Variants in WDFY3 observed in about 807,000 individuals in gnomAD.
The protein encoded by WDFY3 is WD repeat and FYVE domain containing 3.
In WDFY3, 66 loss-of-function variants were observed where a neutral mutation model predicts 409.6. That is an observed-to-expected ratio of 0.16 (90% CI 0.13 to 0.20). The LOEUF is 0.20. Among genes scored for constraint, WDFY3 ranks in the 10% least tolerant of loss-of-function variants. The pLI is 1.00. For synonymous variants in WDFY3, 1,521 were observed against 1,537.1 expected, an observed-to-expected ratio of 0.99 and a Z score of 0.25; for missense variants, 3,031 against 4,298.1, an observed-to-expected ratio of 0.71 and a Z score of 8.24.
intron 48 of WDFY3, among the ~76,000 whole-genome samples, 190 bp from the exon 49 acceptor site, chr4:84,717,206 G>A (rs1221090880): frequency 1.3e-5 from 2 of 152,126 alleles, no homozygotes; most frequent in Non-Finnish European, 2.9e-5. Context: ...CCCCTTTGAT[G>A]AATATAATTT....
intron 3 of WDFY3, among the ~76,000 whole-genome samples, chr4:84,883,552 T>C (rs1283767872): frequency 6.6e-6 from 1 of 152,218 alleles, no homozygotes; most frequent in African/African-American, 2.4e-5. Flanking sequence ...TTATTTATTT[T>C]TATAACATTC....
intron 16 of WDFY3, 104 bp downstream of exon 16, chr4:84,803,186 G>T: frequency 8.0e-7 from 1 of 1,248,582 alleles, no homozygotes; most frequent in Non-Finnish European, 1.1e-6. Context: ...ACTTTAGTAT[G>T]TAATATTAAC....
At chr4:84,724,700 G>A in intron 45 of WDFY3, 106 bp from the exon 46 acceptor site, 1 of 1,270,314 alleles carries the variant, frequency 7.9e-7, no homozygotes, top group Admixed American at 2.7e-5. Flanking sequence ...TTTTTAAAGG[G>A]GCTTTTCATA....
At chr4:84,718,081 AAAG>A (rs1407359390) in intron 48 of WDFY3, among the ~76,000 whole-genome samples, 7 of 149,910 alleles carry the variant, frequency 4.7e-5, no homozygotes, top group Admixed American at 2.0e-4. Context: ...AAAAAAAAAA[AAAG>A]AGTATTTTCT....
chr4:84,911,559 A>T (rs541595438), intron 2 of WDFY3, among the ~76,000 whole-genome samples: 27 of 152,274 alleles, frequency 1.8e-4, no homozygotes, highest in African/African-American at 6.3e-4. Context: ...TATACACTTG[A>T]CCCTTAACCA....
intron 17 of WDFY3, among the ~76,000 whole-genome samples, chr4:84,798,584 G>A (rs1168563770): frequency 6.6e-6 from 1 of 151,806 alleles, no homozygotes; most frequent in Non-Finnish European, 1.5e-5. Context: ...CCAAACCCAG[G>A]GCATTTCTTA....
At chr4:84,948,830 C>T (rs192590962) in intron 1 of WDFY3, among the ~76,000 whole-genome samples, 3 of 152,280 alleles carry the variant, frequency 2.0e-5, no homozygotes, top group African/African-American at 7.2e-5. Flanking sequence ...ATCCCAAGGA[C>T]TGATAGCTAG....
chr4:84,868,520 A>C (rs189910791), intron 3 of WDFY3, among the ~76,000 whole-genome samples: 62 of 152,324 alleles, frequency 4.1e-4, no homozygotes, highest in African/African-American at 1.5e-3. Context: ...AGATACTACA[A>C]GATTAGCCCA....
At chr4:84,742,406 T>C (rs1196181976) in intron 37 of WDFY3, among the ~76,000 whole-genome samples, 1 of 152,140 alleles carries the variant, frequency 6.6e-6, no homozygotes, top group Non-Finnish European at 1.5e-5. Flanking sequence ...GAGGGGTGTG[T>C]TTAGCCCCTC....
At chr4:84,739,160 A>G (rs1484871588) in intron 39 of WDFY3, 41 bp from the exon 40 acceptor site, 1 of 1,587,542 alleles carries the variant, frequency 6.3e-7, no homozygotes, top group Non-Finnish European at 8.6e-7. Flanking sequence ...GAAGGAAATG[A>G]TTAGCTGAAG....
chr4:84,742,638 A>G (rs1302699210), intron 37 of WDFY3, among the ~76,000 whole-genome samples: 1 of 152,178 alleles, frequency 6.6e-6, no homozygotes, highest in South Asian at 2.1e-4. Context: ...CTTCTGTCAT[A>G]TCAGCAGCGG....
At chr4:84,760,264 T>C (rs1217051942) in intron 32 of WDFY3, among the ~76,000 whole-genome samples, 1 of 152,158 alleles carries the variant, frequency 6.6e-6, no homozygotes, top group African/African-American at 2.4e-5. Context: ...TCTAAAGTTC[T>C]CTTTTTTGGT....
rs1737220447 is a variant in WDFY3 at position 84,735,138 on chromosome 4, AAG to A, written c.6916-20_6916-19del. The stretch of plus-strand genomic sequence containing the variant: ...GAAATCTCCTAACAATGGATGGAAA[AAG>A]AGTCTTAATATTTCATGGATTTCTG... On this transcript the variant is annotated intron_variant, in intron 42 of 67. Coordinates refer to ENST00000295888, the MANE Select transcript of WDFY3 (RefSeq NM_014991.6). The A allele has an allele frequency of 1.9e-6, 3 of 1,602,496 alleles. No individual in the cohort carries two copies. The highest frequency in any genetic ancestry group is 1.1e-5 in the South Asian group (1 of 90,292).
chr4:84,946,724 C>T (rs1048166755), intron 1 of WDFY3, among the ~76,000 whole-genome samples: 3 of 152,116 alleles, frequency 2.0e-5, no homozygotes, highest in South Asian at 2.1e-4. Context: ...ATATTCCTAG[C>T]GCGCTATACA....
intron 43 of WDFY3, 82 bp downstream of exon 43, chr4:84,734,961 G>A: frequency 8.6e-7 from 1 of 1,162,384 alleles, no homozygotes; most frequent in South Asian, 1.3e-5. Context: ...CTTAAAATGG[G>A]CAGAAAGATA....
Position 84,695,950 on chromosome 4 carries a change from C to T in WDFY3, c.8901+20G>A, listed in dbSNP as rs746723240. Reference sequence around the variant, plus strand: ...AAAATGAAACAGAGTACATCAATGACAAGAAAAAAACATCCATACCTGTTT... The same window carrying T: ...AAAATGAAACAGAGTACATCAATGATAAGAAAAAAACATCCATACCTGTTT... On this transcript the variant is annotated intron_variant, in intron 58 of 67. Coordinates refer to ENST00000295888, the MANE Select transcript of WDFY3 (RefSeq NM_014991.6). 6.2e-7 allele frequency: 1 copy of T among 1,606,664 alleles called. No homozygotes were observed.
At chr4:84,712,995 T>C (rs1393471831) in intron 51 of WDFY3, among the ~76,000 whole-genome samples, 164 bp downstream of exon 51, 1 of 152,236 alleles carries the variant, frequency 6.6e-6, no homozygotes, top group Non-Finnish European at 1.5e-5. Flanking sequence ...ACAGTGCTTA[T>C]GCATACCTTT....
At chr4:84,729,151 A>G (rs1736148091) in intron 44 of WDFY3, among the ~76,000 whole-genome samples, 1 of 152,146 alleles carries the variant, frequency 6.6e-6, no homozygotes, top group African/African-American at 2.4e-5. Context: ...TTTGCAAATA[A>G]TAGTAAATGT....
chr4:84,732,587 T>C (rs1277617955), intron 44 of WDFY3, among the ~76,000 whole-genome samples: 2 of 152,144 alleles, frequency 1.3e-5, no homozygotes, highest in African/African-American at 2.4e-5. Context: ...CTGAGTTTGA[T>C]TGTTTTAGAT....
Sources: allele counts gnomAD v4.1 joint callset (sites outside exome capture counted in the v4.1 genomes callset), GRCh38; gene constraint gnomAD v4.1.1; transcripts MANE v1.5; gene names NCBI Gene and HGNC (gene_info 2026-07-23, HGNC 2026-07-21).